Variants in DROSHA observed in about 807,000 individuals in gnomAD.
DROSHA encodes the protein ribonuclease 3.
In DROSHA, 56 loss-of-function variants were observed where a neutral mutation model predicts 181.9. The observed-to-expected ratio is 0.31, with a 90% CI of 0.25 to 0.38. DROSHA has a LOEUF of 0.38. Ranked by LOEUF, DROSHA falls within the 10% of genes least tolerant of loss-of-function variation. DROSHA has a pLI of 1.00. For missense variants in DROSHA, 1,218 were observed against 1,743.5 expected (o/e 0.70, Z 5.37); for synonymous variants, 524 against 591.2 (o/e 0.89, Z 1.65).
intron 6 of DROSHA, among the ~76,000 whole-genome samples, chr5:31,515,921 A>G (rs1280021641): frequency 6.6e-6 from 1 of 152,216 alleles, no homozygotes; most frequent in Non-Finnish European, 1.5e-5. Context: ...GGGGCTTGAA[A>G]TCTGCAAAGA....
In DROSHA at chr5:31,453,802, T is replaced by TC. The variant is rs1747315554; in HGVS notation, c.2575-2163dup. Among the ~76,000 whole-genome samples the TC allele has an allele frequency of 2.0e-5, 3 of 152,072 alleles. No individual in the cohort carries two copies. The South Asian group carries it at 6.2e-4, about 32-fold the overall frequency. On this transcript the variant is annotated intron_variant, in intron 20 of 35. Coordinates refer to ENST00000344624, the MANE Select transcript of DROSHA (RefSeq NM_001382508.1). ...CCGTGTCCATCTTGAATCCCAGACATCAAGTCTCAATGTTACCTACAAGAC... is the reference window on the plus strand; with the variant it reads ...CCGTGTCCATCTTGAATCCCAGACATCCAAGTCTCAATGTTACCTACAAGAC...
intron 10 of DROSHA, among the ~76,000 whole-genome samples, chr5:31,505,946 G>A (rs1737884032): frequency 6.6e-6 from 1 of 152,068 alleles, no homozygotes; most frequent in Non-Finnish European, 1.5e-5. Context: ...AGCCTCTTGG[G>A]AAATCTAAAG....
rs537842950 is a variant in DROSHA at position 31,427,766 on chromosome 5, G to C, written c.3216+1709C>G. On this transcript the variant is annotated intron_variant, in intron 27 of 35. Transcript: ENST00000344624. The stretch of plus-strand genomic sequence containing the variant: ...TACAGGTTTGTCCCTGGCTGTCTTT[G>C]GCTAATTAGGCTTTCATGATGCCTT... 2.6e-5 allele frequency among the ~76,000 whole-genome samples: 4 copies of C among 152,250 alleles called. No individual in the cohort carries two copies. The East Asian group carries it at 7.7e-4, about 29-fold the overall frequency.
chr5:31,518,091 C>T (rs902633910), intron 6 of DROSHA, among the ~76,000 whole-genome samples: 3 of 152,142 alleles, frequency 2.0e-5, no homozygotes, highest in Non-Finnish European at 4.4e-5. Context: ...TAGCCTACTA[C>T]ACACCTCGGA....
chr5:31,515,971 G>C (rs969308863), intron 6 of DROSHA, among the ~76,000 whole-genome samples: 2 of 152,144 alleles, frequency 1.3e-5, no homozygotes, highest in Non-Finnish European at 2.9e-5. Flanking sequence ...AACCTATAGG[G>C]TCAGCTGGGC....
At chr5:31,430,040 A>G (rs1393945921) in intron 26 of DROSHA, among the ~76,000 whole-genome samples, 1 of 152,246 alleles carries the variant, frequency 6.6e-6, no homozygotes, top group Non-Finnish European at 1.5e-5. Flanking sequence ...ATAATTAAGC[A>G]TTAGGCAAAC....
chr5:31,424,058 G>A (rs1180862093), intron 28 of DROSHA, among the ~76,000 whole-genome samples: 8 of 152,124 alleles, frequency 5.3e-5, no homozygotes, highest in Non-Finnish European at 1.2e-4. Context: ...GCTCAGACTC[G>A]CTTCCATACT....
chr5:31,495,570 C>A (rs368221353), intron 11 of DROSHA, among the ~76,000 whole-genome samples, 198 bp from the exon 12 acceptor site: 2 of 152,212 alleles, frequency 1.3e-5, no homozygotes, highest in South Asian at 2.1e-4. Flanking sequence ...AGCTCTCAGC[C>A]GCTTCCTCAG....
intron 15 of DROSHA, among the ~76,000 whole-genome samples, chr5:31,484,621 G>A (rs1751527772): frequency 6.6e-6 from 1 of 151,972 alleles, no homozygotes; most frequent in Non-Finnish European, 1.5e-5. Context: ...ATATATCAAG[G>A]TAGCTACACA....
chr5:31,422,974 AT>A, intron 28 of DROSHA, 30 bp from the exon 29 acceptor site: 1 of 1,468,908 alleles, frequency 6.8e-7, no homozygotes, highest in Non-Finnish European at 9.0e-7. Context: ...AATAAAAATC[AT>A]TTTTTCATTT....
At chr5:31,513,900 G>T (rs1738973246) in intron 8 of DROSHA, among the ~76,000 whole-genome samples, 2 of 152,138 alleles carry the variant, frequency 1.3e-5, no homozygotes, top group Admixed American at 1.3e-4. Flanking sequence ...TAACGCCTAG[G>T]GGGAAGAGGG....
chr5:31,417,694 G>T (rs1742117547), intron 30 of DROSHA, among the ~76,000 whole-genome samples: 1 of 152,144 alleles, frequency 6.6e-6, no homozygotes, highest in Non-Finnish European at 1.5e-5. Context: ...ACAGAGAGGA[G>T]GTCTGACGAC....
chr5:31,429,684 TA>T, intron 26 of DROSHA, 139 bp from the exon 27 acceptor site: 1 of 624,762 alleles, frequency 1.6e-6, no homozygotes, highest in Non-Finnish European at 2.8e-6. Flanking sequence ...GCAATTGTCT[TA>T]AAGGTGACAT....
At chr5:31,488,132 A>C (rs78047627) in intron 13 of DROSHA, among the ~76,000 whole-genome samples, 6,111 of 152,168 alleles carry the variant, frequency 0.04, 183 homozygotes, top group East Asian at 0.19. Context: ...AAAGATGAGG[A>C]GGGGCCGGGC....
chr5:31,483,443 A>G, intron 16 of DROSHA, 111 bp downstream of exon 16: 1 of 990,132 alleles, frequency 1.0e-6, no homozygotes, highest in East Asian at 2.5e-5. Context: ...AGAAGTAGAT[A>G]ATTAACAGTA....
intron 16 of DROSHA, among the ~76,000 whole-genome samples, chr5:31,482,812 T>C (rs1309425857): frequency 1.3e-5 from 2 of 149,346 alleles, no homozygotes; most frequent in African/African-American, 5.0e-5. Context: ...TCATTAAAAA[T>C]ACTTTTTTTT....
chr5:31,429,686 A>G, intron 26 of DROSHA, 141 bp from the exon 27 acceptor site: 1 of 621,056 alleles, frequency 1.6e-6, no homozygotes, highest in Non-Finnish European at 2.8e-6. Flanking sequence ...AATTGTCTTA[A>G]AGGTGACATT....
At chr5:31,492,875 C>T (rs1580286544) in intron 13 of DROSHA, among the ~76,000 whole-genome samples, 2 of 152,324 alleles carry the variant, frequency 1.3e-5, no homozygotes, top group South Asian at 4.1e-4. Flanking sequence ...CTCCTTAAAA[C>T]TTTCTTTTGA....
intron 9 of DROSHA, 107 bp downstream of exon 9, chr5:31,510,928 T>C: frequency 7.2e-7 from 1 of 1,385,708 alleles, no homozygotes. Context: ...AAAAATAAAA[T>C]GAAAAAGAAG....
Sources: allele counts gnomAD v4.1 joint callset (sites outside exome capture counted in the v4.1 genomes callset), GRCh38; gene constraint gnomAD v4.1.1; transcripts MANE v1.5; gene names NCBI Gene and HGNC (gene_info 2026-07-23, HGNC 2026-07-21).